The following LRRC40 variants were observed in gnomAD, a reference collection of about 807,000 sequenced individuals.
LRRC40 encodes the protein leucine rich repeat containing 40.
Under a neutral mutation model 72.8 loss-of-function variants are expected in LRRC40, and 76 were observed. The ratio of observed to expected loss-of-function variants is 1.04; its 90% CI spans 0.87 to 1.26. The LOEUF (loss-of-function observed/expected upper bound fraction) is 1.26, where lower values mean the gene tolerates loss of function less well. Among genes scored for constraint, LRRC40 ranks in the 50% most tolerant of loss-of-function variants. The pLI is 0.00. For missense variants in LRRC40, 684 were observed against 698.9 expected, an observed-to-expected ratio of 0.98 and a Z score of 0.24; for synonymous variants, 243 against 254.2, an observed-to-expected ratio of 0.96 and a Z score of 0.42.
chr1:70,183,179 G>A (rs1460362365), intron 4 of LRRC40, among the ~76,000 whole-genome samples: 1 of 152,142 alleles, frequency 6.6e-6, no homozygotes, highest in African/African-American at 2.4e-5. Flanking sequence ...GTATCAAGGA[G>A]GATGTACACA....
chr1:70,172,625 G>T (rs1668022577), intron 9 of LRRC40, among the ~76,000 whole-genome samples: 1 of 152,162 alleles, frequency 6.6e-6, no homozygotes, highest in Admixed American at 6.5e-5. Flanking sequence ...TTCTGGAAGA[G>T]AAAGCATATT....
intron 11 of LRRC40, among the ~76,000 whole-genome samples, chr1:70,154,375 T>C (rs2100236822): frequency 6.6e-6 from 1 of 152,298 alleles, no homozygotes; most frequent in Non-Finnish European, 1.5e-5. Context: ...TGAGATAAAA[T>C]GAGGCAGTAA....
chr1:70,148,337 T>C (rs1667367499), intron 14 of LRRC40, 150 bp downstream of exon 14: 1 of 645,414 alleles, frequency 1.5e-6, no homozygotes, highest in South Asian at 2.3e-5. Flanking sequence ...AAAAACAGAA[T>C]TGGGACTCTG....
intron 10 of LRRC40, among the ~76,000 whole-genome samples, chr1:70,158,099 CAAAAAAAAAAA>C (rs35925333): frequency 5.2e-5 from 1 of 19,196 alleles, no homozygotes; most frequent in African/African-American, 2.3e-4. Flanking sequence ...GACCCTGCCT[CAAAAAAAAAAA>C]AAAAAAAAAA....
intron 1 of LRRC40, among the ~76,000 whole-genome samples, chr1:70,199,750 A>C (rs1279366484): frequency 6.6e-6 from 1 of 152,222 alleles, no homozygotes; most frequent in African/African-American, 2.4e-5. Flanking sequence ...TAAGGCTTCT[A>C]GTCAACAGTA....
chr1:70,172,614 G>C (rs1668022264), intron 9 of LRRC40, among the ~76,000 whole-genome samples: 2 of 152,220 alleles, frequency 1.3e-5, no homozygotes, highest in South Asian at 4.2e-4. Context: ...TAATCAATTT[G>C]TTCTGGAAGA....
intron 7 of LRRC40, among the ~76,000 whole-genome samples, 168 bp downstream of exon 7, chr1:70,175,642 A>G (rs933748548): frequency 2.4e-4 from 37 of 152,322 alleles, no homozygotes; most frequent in African/African-American, 8.7e-4. Flanking sequence ...GCTTGCTGTT[A>G]AAGACAAAAC....
In LRRC40 at chr1:70,148,419, AAG is replaced by A. The variant is rs1389093634; in HGVS notation, c.1703+66_1703+67del. ...TAACTTCTTGCAAATTTATCTGAAA[AAG>A]AAAAACAAATCACTTCAACAAATCA... On this transcript the variant is annotated intron_variant, in intron 14 of 14. Transcript: ENST00000370952. The A allele has an allele frequency of 3.2e-6, 4 of 1,268,802 alleles. No individual in the cohort carries two copies. In the African/African-American group the frequency reaches 5.9e-5, roughly 19 times the overall value. 78.6% of individuals were successfully genotyped at this position (1,268,802 alleles called of 1,614,324 possible). A position where few individuals can be genotyped will look rare whatever the true frequency, so the allele number is the denominator to read the frequency against.
chr1:70,195,726 C>T (rs1305122669), intron 1 of LRRC40, among the ~76,000 whole-genome samples: 1 of 152,160 alleles, frequency 6.6e-6, no homozygotes, highest in African/African-American at 2.4e-5. Flanking sequence ...CTCCGCCTCC[C>T]GGGTTCAAGG....
At chr1:70,192,112 T>A (rs427189) in intron 1 of LRRC40, among the ~76,000 whole-genome samples, 2 of 152,136 alleles carry the variant, frequency 1.3e-5, no homozygotes, top group Non-Finnish European at 2.9e-5. Context: ...CATAGGCTGT[T>A]TTTCCATTTG....
intron 1 of LRRC40, among the ~76,000 whole-genome samples, chr1:70,200,157 T>C (rs1403447036): frequency 6.6e-6 from 1 of 152,198 alleles, no homozygotes; most frequent in Non-Finnish European, 1.5e-5. Flanking sequence ...TAAGTTTTGT[T>C]TTCCCAATGT....
intron 13 of LRRC40, among the ~76,000 whole-genome samples, chr1:70,149,116 A>G (rs1667396997): frequency 6.6e-6 from 1 of 152,194 alleles, no homozygotes; most frequent in South Asian, 2.1e-4. Flanking sequence ...TGGGTTCTTA[A>G]AAAGATAACA....
chr1:70,148,728 CT>C, intron 13 of LRRC40, 56 bp from the exon 14 acceptor site: 1 of 1,051,428 alleles, frequency 9.5e-7, no homozygotes, highest in South Asian at 2.0e-5. Flanking sequence ...AAAATCATTC[CT>C]TAAAACATAT....
intron 1 of LRRC40, among the ~76,000 whole-genome samples, chr1:70,203,064 T>A (rs1051109554): frequency 7.2e-5 from 11 of 152,158 alleles, no homozygotes; most frequent in African/African-American, 2.7e-4. Context: ...CTAATTCTTG[T>A]ATTTTTTGTA....
intron 2 of LRRC40, among the ~76,000 whole-genome samples, 185 bp downstream of exon 2, chr1:70,188,907 A>T (rs1668427820): frequency 6.6e-6 from 1 of 152,198 alleles, no homozygotes; most frequent in South Asian, 2.1e-4. Context: ...TAATAGCAGA[A>T]GTCAGAATTA....
Position 70,205,466 on chromosome 1 carries a change from G to T in LRRC40, c.75C>A (p.Thr25=), listed in dbSNP as rs1189289062. 1 of 1,610,288 alleles carries T rather than the reference G, an allele frequency of 6.2e-7. No homozygotes were observed. The highest frequency in any genetic ancestry group is 8.5e-7 in the Non-Finnish European group (1 of 1,176,996). The change falls in exon 1 of 15, where the codon ACC becomes ACA. Residue 25 remains threonine, a synonymous_variant. Transcript: ENST00000370952. ...CCTTCAACAGCCCTTGGGGTACCGAGGTACCGCAGTCTCTTCCACCTGCTT... is the reference window on the plus strand; with the variant it reads ...CCTTCAACAGCCCTTGGGGTACCGATGTACCGCAGTCTCTTCCACCTGCTT... ...GFKAGGRDCG[T]SVPQGLLKAA... is the part of the protein sequence containing the mutation.
In LRRC40 at chr1:70,175,974, G is replaced by A. The variant is rs140432555; in HGVS notation, c.813C>T (p.His271=). 21 of 1,550,666 alleles carry A rather than the reference G, an allele frequency of 1.4e-5. No individual in the cohort carries two copies. The highest frequency in any genetic ancestry group is 7.5e-5 in the South Asian group (6 of 79,800). The part of the protein sequence containing the change: ...FPSCSLLKEL[H]VGENQIEMLE... Reference sequence around the variant, plus strand: ...ACATTTCAATCTGGTTTTCACCTACGTGCAATTCCTACAAAATCAAAGATG... The same window carrying A: ...ACATTTCAATCTGGTTTTCACCTACATGCAATTCCTACAAAATCAAAGATG... The change falls in exon 7 of 15, where the codon CAC becomes CAT. Residue 271 remains histidine (H), a synonymous_variant. Coordinates refer to ENST00000370952, the MANE Select transcript of LRRC40 (RefSeq NM_017768.5).
chr1:70,186,203 C>T (rs77789128), intron 3 of LRRC40, among the ~76,000 whole-genome samples: 1 of 152,086 alleles, frequency 6.6e-6, no homozygotes, highest in African/African-American at 2.4e-5. Context: ...ATTACTCCAT[C>T]CTAAGATTCA....
Position 70,193,882 on chromosome 1 carries a change from T to C in LRRC40, c.152-4609A>G, listed in dbSNP as rs558499941. 3.3e-5 allele frequency among the ~76,000 whole-genome samples: 5 copies of C among 152,152 alleles called. No homozygotes were observed. In the East Asian group the frequency reaches 9.6e-4, roughly 29 times the overall value. On this transcript the variant is annotated intron_variant, in intron 1 of 14. Transcript: ENST00000370952. ...ATTGTTGAGATACAAAAAAAGCATC[T>C]GACAAAATTCAACAATAAAAACTCA...
Sources: allele counts gnomAD v4.1 joint callset (sites outside exome capture counted in the v4.1 genomes callset), GRCh38; gene constraint gnomAD v4.1.1; transcripts MANE v1.5; gene names NCBI Gene and HGNC (gene_info 2026-07-23, HGNC 2026-07-21).